The following VLDLR variants were observed in gnomAD, a reference collection of about 807,000 sequenced individuals.
VLDLR encodes very low density lipoprotein receptor.
In VLDLR, 81 loss-of-function variants were observed where a neutral mutation model predicts 112.7. The ratio of observed to expected loss-of-function variants is 0.72; its 90% CI spans 0.60 to 0.86. The LOEUF (loss-of-function observed/expected upper bound fraction) is 0.86. Among genes scored for constraint, VLDLR ranks in the 40% least tolerant of loss-of-function variants. The pLI, the probability that VLDLR is intolerant of heterozygous loss-of-function variation, is 0.00. For synonymous variants in VLDLR, 436 were observed against 384.8 expected (o/e 1.13, Z -1.56); for missense variants, 1,237 against 1,099.4 (o/e 1.13, Z -1.77).
At chr9:2,648,475 C>G in intron 13 of VLDLR, 128 bp downstream of exon 13, 4 of 1,531,454 alleles carry the variant, frequency 2.6e-6, no homozygotes, top group Non-Finnish European at 3.6e-6. Context: ...TCACTTAAAA[C>G]CTGGTACAAA....
intron 1 of VLDLR, among the ~76,000 whole-genome samples, chr9:2,632,948 C>G (rs1233018161): frequency 6.6e-6 from 1 of 151,960 alleles, no homozygotes; most frequent in Non-Finnish European, 1.5e-5. Context: ...TCTTCCCACC[C>G]CCACCCCAAT....
intron 1 of VLDLR, among the ~76,000 whole-genome samples, chr9:2,628,212 C>G (rs1817181603): frequency 6.6e-6 from 1 of 152,180 alleles, no homozygotes; most frequent in African/African-American, 2.4e-5. Flanking sequence ...GGTAGCTGAA[C>G]TCATCTCCTT....
In VLDLR at chr9:2,641,510, C is replaced by G; in HGVS notation, c.448+11C>G. On this transcript the variant is annotated intron_variant, in intron 4 of 18. Transcript: ENST00000382100. Reference sequence around the variant, plus strand: ...ATGAAGAAAACTGTGGTAAGAAGATCAGTGTTGAGTGACGTAACCCAAAGA... The same window carrying G: ...ATGAAGAAAACTGTGGTAAGAAGATGAGTGTTGAGTGACGTAACCCAAAGA... 6.2e-7 allele frequency: 1 copy of G among 1,613,960 alleles called. No individual in the cohort carries two copies. The highest frequency in any genetic ancestry group is 8.5e-7 in the Non-Finnish European group (1 of 1,179,942).
intron 16 of VLDLR, 98 bp from the exon 17 acceptor site, chr9:2,651,776 C>A: frequency 1.5e-6 from 2 of 1,320,534 alleles, no homozygotes; most frequent in Non-Finnish European, 2.2e-6. Flanking sequence ...TACTGAACAT[C>A]AATATTGGAT....
chr9:2,632,720 T>C (rs1817410662), intron 1 of VLDLR, among the ~76,000 whole-genome samples: 1 of 152,086 alleles, frequency 6.6e-6, no homozygotes, highest in African/African-American at 2.4e-5. Context: ...CTTAACAGTG[T>C]TCCAGTCAGG....
Position 2,646,366 on chromosome 9 carries a change from T to A in VLDLR, c.1517T>A (p.Val506Asp). 2 of 1,614,196 alleles carry A rather than the reference T, an allele frequency of 1.2e-6. No individual in the cohort carries two copies. The highest frequency in any genetic ancestry group is 1.7e-6 in the Non-Finnish European group (2 of 1,180,016). ...ATTGATGACAAGGTTGGTAGACATG[T>A]TAAAATGATCGACAATGTCTATAAT... ...ASIDDKVGRH[V>D]KMIDNVYNPA... The change falls in exon 11 of 19, where the codon GTT becomes GAT. Residue 506 changes from valine to aspartate, a missense_variant. Coordinates refer to ENST00000382100, the MANE Select transcript of VLDLR (RefSeq NM_003383.5).
chr9:2,623,959 T>A (rs1016147512), intron 1 of VLDLR, among the ~76,000 whole-genome samples: 1 of 152,238 alleles, frequency 6.6e-6, no homozygotes, highest in Non-Finnish European at 1.5e-5. Context: ...ACTTGCATTA[T>A]GCCTTTTGTA....
At chr9:2,637,608 C>T (rs1421502143) in intron 2 of VLDLR, among the ~76,000 whole-genome samples, 2 of 151,212 alleles carry the variant, frequency 1.3e-5, no homozygotes, top group Non-Finnish European at 2.9e-5. Flanking sequence ...CTGTGGTATA[C>T]AGCCAATCTT....
intron 1 of VLDLR, among the ~76,000 whole-genome samples, chr9:2,623,473 T>TA (rs33957327): frequency 0.69 from 105,534 of 152,148 alleles, 39,560 homozygotes; most frequent in Non-Finnish European, 0.84. Context: ...TCAGGGGCCC[T>TA]GCCGGCCTGC....
intron 11 of VLDLR, among the ~76,000 whole-genome samples, chr9:2,647,180 C>T (rs573926931): frequency 5.3e-5 from 8 of 152,252 alleles, no homozygotes; most frequent in East Asian, 1.9e-4. Context: ...GAAGGATGTT[C>T]GTCTTGCACT....
At chr9:2,632,766 C>T (rs1817413284) in intron 1 of VLDLR, among the ~76,000 whole-genome samples, 1 of 152,080 alleles carries the variant, frequency 6.6e-6, no homozygotes, top group South Asian at 2.1e-4. Flanking sequence ...AGTGTCTGAG[C>T]TCTCCCTCTC....
intron 1 of VLDLR, among the ~76,000 whole-genome samples, chr9:2,627,728 G>C (rs2130762629): frequency 6.6e-6 from 1 of 152,108 alleles, no homozygotes; most frequent in African/African-American, 2.4e-5. Flanking sequence ...AGCTGGGTGT[G>C]GTGGTGCGAG....
In VLDLR at chr9:2,639,533, A is replaced by G. The variant is rs34156497; in HGVS notation, c.203-326A>G. Among the ~76,000 whole-genome samples the G allele has an allele frequency of 0.05, 7,655 of 152,284 alleles. 646 individuals are homozygous for G. Among genetic ancestry groups the G allele is most frequent in the African/African-American group, 0.17 (7,129 of 41,524 alleles). On this transcript the variant is annotated intron_variant, in intron 2 of 18. Transcript: ENST00000382100. ...TACTTGAATGACTTGGAAGAAATGC[A>G]TGTAGAAAATGAAAGTGTTACTTAA... is the stretch of plus-strand genomic sequence containing the variant.
intron 1 of VLDLR, among the ~76,000 whole-genome samples, chr9:2,626,022 A>G (rs1298974635): frequency 6.6e-6 from 1 of 152,242 alleles, no homozygotes; most frequent in African/African-American, 2.4e-5. Flanking sequence ...TTGGCTTGCA[A>G]CAAAAACTCT....
At chr9:2,623,014 G>A (rs773225017) in intron 1 of VLDLR, among the ~76,000 whole-genome samples, 4 of 152,374 alleles carry the variant, frequency 2.6e-5, no homozygotes, top group South Asian at 4.1e-4. Flanking sequence ...AACGCGGAGG[G>A]GGAGTGGAGG....
rs1036998643 is a variant in VLDLR at position 2,658,396 on chromosome 9, A to G, written c.*4528A>G. On this transcript the variant is annotated 3_prime_UTR_variant, in exon 19 of 19. Coordinates refer to ENST00000382100, the MANE Select transcript of VLDLR (RefSeq NM_003383.5). ...TGTAAATCTCACTGTAAAAATCTCA[A>G]TGCAAAAACACTGAGACAGGAGTGA... The G allele has an allele frequency of 2.6e-5, 4 of 152,224 alleles. No individual in the cohort carries two copies. Among genetic ancestry groups the G allele is most frequent in the Non-Finnish European group, 4.4e-5 (3 of 68,040 alleles). The allele number at this position is 152,224 out of a possible 1,614,324, so 9.4% of individuals were successfully genotyped here.
At chr9:2,647,323 C>G (rs1818120052) in intron 11 of VLDLR, 151 bp from the exon 12 acceptor site, 1 of 679,630 alleles carries the variant, frequency 1.5e-6, no homozygotes, top group Admixed American at 2.3e-5. Flanking sequence ...ATTTTATTTA[C>G]CTAGAACATA....
At chr9:2,648,525 G>C (rs1818170068) in intron 13 of VLDLR, 144 bp from the exon 14 acceptor site, 21 of 1,524,818 alleles carry the variant, frequency 1.4e-5, no homozygotes, top group Non-Finnish European at 1.8e-5. Context: ...ACCTAAACTT[G>C]ATTCTTTTAC....
chr9:2,640,083 C>T, intron 3 of VLDLR, 102 bp downstream of exon 3: 1 of 1,600,754 alleles, frequency 6.2e-7, no homozygotes. Flanking sequence ...TTTTCTTTGC[C>T]TGCCTTAAAG....
Sources: allele counts gnomAD v4.1 joint callset (sites outside exome capture counted in the v4.1 genomes callset), GRCh38; gene constraint gnomAD v4.1.1; transcripts MANE v1.5; gene names NCBI Gene and HGNC (gene_info 2026-07-23, HGNC 2026-07-21).